KIAA1217: variants seen among roughly 807,000 people sequenced by gnomAD.
The protein encoded by KIAA1217 is KIAA1217.
In KIAA1217, 88 loss-of-function variants were observed where a neutral mutation model predicts 163.9. The ratio of observed to expected loss-of-function variants is 0.54; its 90% CI spans 0.45 to 0.64. The LOEUF is 0.64. Ranked by LOEUF, KIAA1217 falls within the 30% of genes least tolerant of loss-of-function variation. The pLI is 0.00. For synonymous variants in KIAA1217, 903 were observed against 923.1 expected (o/e 0.98, Z 0.39); for missense variants, 2,372 against 2,475.0 (o/e 0.96, Z 0.88).
intron 2 of KIAA1217, among the ~76,000 whole-genome samples, chr10:24,079,486 C>A (rs947921465): frequency 6.6e-6 from 1 of 152,092 alleles, no homozygotes; most frequent in Non-Finnish European, 1.5e-5. Context: ...TGGGATAATG[C>A]CATCCACCCA....
At chr10:24,014,979 CA>C (rs1366135407) in intron 2 of KIAA1217, among the ~76,000 whole-genome samples, 1 of 151,748 alleles carries the variant, frequency 6.6e-6, no homozygotes, top group Non-Finnish European at 1.5e-5. Flanking sequence ...TAATATTATT[CA>C]AAAATATAAT....
At chr10:24,481,855 C>G (rs866710240) in intron 6 of KIAA1217, 3 of 152,028 alleles carry the variant, frequency 2.0e-5, no homozygotes, top group Non-Finnish European at 2.9e-5. Flanking sequence ...AGGGCATGTA[C>G]GTAATGAAAA....
chr10:24,239,292 A>G (rs2072718790), intron 2 of KIAA1217: 1 of 985,128 alleles, frequency 1.0e-6, no homozygotes, highest in Non-Finnish European at 1.2e-6. Flanking sequence ...GAAGAATTAG[A>G]TTTTCTGCTT....
Position 24,339,868 on chromosome 10 carries a change from C to T in KIAA1217, c.355-41001C>T, listed in dbSNP as rs938417604. 5.9e-5 allele frequency among the ~76,000 whole-genome samples: 9 copies of T among 152,324 alleles called. No individual in the cohort carries two copies. The South Asian group carries it at 1.9e-3, about 32-fold the overall frequency. On this transcript the variant is annotated intron_variant, in intron 2 of 20. Coordinates refer to ENST00000376454, the MANE Select transcript of KIAA1217 (RefSeq NM_019590.5). ...CCCCAAAGCCAATGTTAGTCTGTCT[C>T]CCAAAACAGATTCTCCCCTTTTCTT...
chr10:24,476,870 C>G (rs1332662403), intron 6 of KIAA1217, among the ~76,000 whole-genome samples: 1 of 151,982 alleles, frequency 6.6e-6, no homozygotes, highest in Non-Finnish European at 1.5e-5. Flanking sequence ...CAGACACACA[C>G]AGACACACGA....
chr10:24,209,641 C>G (rs10764456), intron 1 of KIAA1217, among the ~76,000 whole-genome samples: 91,870 of 152,084 alleles, frequency 0.6, 29,891 homozygotes, highest in African/African-American at 0.87. Flanking sequence ...TCTCTAGGAC[C>G]GCAGCTTCCA....
rs561900959 is a variant in KIAA1217, at chr10:24,237,364, G to A, written c.354+17455G>A. On this transcript the variant is annotated intron_variant, in intron 2 of 20. Transcript: ENST00000376454. Reference sequence around the variant, plus strand: ...AATGCTGGTTACAAATTTTTCTCTTGGGTTTACCTCTGCCTGTCCACTGAG... The same window carrying A: ...AATGCTGGTTACAAATTTTTCTCTTAGGTTTACCTCTGCCTGTCCACTGAG... Among the ~76,000 whole-genome samples, 13 of 152,078 alleles carry A rather than the reference G, an allele frequency of 8.5e-5. No individual in the cohort carries two copies. In the East Asian group the frequency reaches 1.7e-3, roughly 20 times the overall value.
At chr10:23,829,055 C>T (rs1312495570) in intron 1 of KIAA1217, among the ~76,000 whole-genome samples, 1 of 152,146 alleles carries the variant, frequency 6.6e-6, no homozygotes, top group African/African-American at 2.4e-5. Context: ...TTTTCCTAAG[C>T]ACTTTTGCTT....
intron 3 of KIAA1217, among the ~76,000 whole-genome samples, chr10:24,384,956 T>C (rs992620797): frequency 6.6e-6 from 1 of 152,206 alleles, no homozygotes; most frequent in Non-Finnish European, 1.5e-5. Context: ...TGGCCCCTCA[T>C]GTAACCCCAG....
intron 1 of KIAA1217, among the ~76,000 whole-genome samples, chr10:23,817,285 G>T (rs1275599587): frequency 6.6e-6 from 1 of 152,246 alleles, no homozygotes; most frequent in African/African-American, 2.4e-5. Flanking sequence ...ATATACAAAT[G>T]ACTTCTTCTT....
intron 2 of KIAA1217, among the ~76,000 whole-genome samples, chr10:24,090,413 C>T (rs2061894322): frequency 7.1e-6 from 1 of 140,982 alleles, no homozygotes; most frequent in Admixed American, 7.3e-5. Flanking sequence ...CTCCCGGCCT[C>T]AAGCAGTCCT....
rs1838487642 is a variant in KIAA1217 at position 23,731,701 on chromosome 10, G to A, written c.-321+36467G>A. On this transcript the variant is annotated intron_variant, in intron 1 of 18. Coordinates refer to the KIAA1217 transcript ENST00000376462. ...TTTGATCTTGGTAGGAAAGCTTCGA[G>A]TTTCTCACCATTAAGTATAAGGTTA... 2.0e-5 allele frequency among the ~76,000 whole-genome samples: 3 copies of A among 151,724 alleles called. No homozygotes were observed. The South Asian group carries it at 6.2e-4, about 32-fold the overall frequency.
chr10:23,964,848 C>T (rs937520669), intron 1 of KIAA1217, among the ~76,000 whole-genome samples: 1 of 152,186 alleles, frequency 6.6e-6, no homozygotes, highest in African/African-American at 2.4e-5. Flanking sequence ...AGCCACCATG[C>T]CTGGCCAACA....
At chr10:24,411,709 TCA>T (rs1488748818) in intron 3 of KIAA1217, among the ~76,000 whole-genome samples, 1 of 152,010 alleles carries the variant, frequency 6.6e-6, no homozygotes, top group Non-Finnish European at 1.5e-5. Context: ...AGAATCTGAG[TCA>T]CACCTATTCT....
chr10:24,508,219 G>GA (rs984915784), intron 9 of KIAA1217, among the ~76,000 whole-genome samples: 8 of 151,834 alleles, frequency 5.3e-5, no homozygotes, highest in African/African-American at 1.7e-4. Flanking sequence ...GTTTTAATAC[G>GA]AAAAAAATCA....
At chr10:23,886,082 C>A (rs1190786673) in intron 1 of KIAA1217, among the ~76,000 whole-genome samples, 1 of 151,842 alleles carries the variant, frequency 6.6e-6, no homozygotes, top group East Asian at 2.0e-4. Context: ...GTGGGTGATG[C>A]CTTCAGTGCC....
At chr10:24,485,380 AG>A (rs2065261549) in intron 6 of KIAA1217, among the ~76,000 whole-genome samples, 1 of 152,122 alleles carries the variant, frequency 6.6e-6, no homozygotes, top group Admixed American at 6.5e-5. Context: ...GACCTTGTCC[AG>A]GACTTTCTGA....
Position 24,188,967 on chromosome 10 carries a change from G to A in KIAA1217, c.-170-30659G>A, listed in dbSNP as rs567447509. Reference sequence around the variant, plus strand: ...AAAAATACGAGAAAATTAGCCGGGCGTGGTGGCAGGTGCCTGTAGTCCCAG... The same window carrying A: ...AAAAATACGAGAAAATTAGCCGGGCATGGTGGCAGGTGCCTGTAGTCCCAG... On this transcript the variant is annotated intron_variant, in intron 2 of 18. Transcript: ENST00000376462. Among the ~76,000 whole-genome samples the A allele has an allele frequency of 2.2e-4, 33 of 152,050 alleles. No homozygotes were observed. The South Asian group carries it at 4.6e-3, about 21-fold the overall frequency.
At chr10:23,743,579 G>A (rs1490461616) in intron 1 of KIAA1217, among the ~76,000 whole-genome samples, 1 of 152,192 alleles carries the variant, frequency 6.6e-6, no homozygotes, top group African/African-American at 2.4e-5. Context: ...AGGGTAGTTA[G>A]AATACAACAA....
Sources: gnomAD v4.1 joint callset for allele counts (sites outside exome capture counted in the v4.1 genomes callset) on GRCh38, gnomAD v4.1.1 for gene constraint, MANE v1.5 for transcripts, NCBI Gene and HGNC (gene_info 2026-07-23, HGNC 2026-07-21) for gene names.